SGCZ: variants seen among roughly 807,000 people sequenced by gnomAD.
The protein encoded by SGCZ is sarcoglycan zeta, also known as zeta-sarcoglycan.
A neutral mutation model predicts 41.3 loss-of-function variants in SGCZ; 40 were observed. The ratio of observed to expected loss-of-function variants is 0.97; its 90% CI spans 0.75 to 1.26. The LOEUF (loss-of-function observed/expected upper bound fraction) is 1.26, where lower values mean the gene tolerates loss of function less well. Ranked by LOEUF, SGCZ falls within the 50% of genes most tolerant of loss-of-function variation. SGCZ has a pLI of 0.00. For synonymous variants in SGCZ, 206 were observed against 137.5 expected, an observed-to-expected ratio of 1.50 and a Z score of -3.49; for missense variants, 552 against 369.8, an observed-to-expected ratio of 1.49 and a Z score of -4.04.
At chr8:15,154,018 G>A (rs1193997983) in intron 1 of SGCZ, among the ~76,000 whole-genome samples, 1 of 152,038 alleles carries the variant, frequency 6.6e-6, no homozygotes, top group African/African-American at 2.4e-5. Context: ...TCACGATAGA[G>A]TTTGTGCTTC....
chr8:14,263,657 A>G (rs886678778), intron 3 of SGCZ, among the ~76,000 whole-genome samples: 4 of 152,194 alleles, frequency 2.6e-5, no homozygotes, highest in African/African-American at 9.7e-5. Context: ...GTGATCATCT[A>G]CCCACAGAAA....
At chr8:14,999,297 C>T (rs12545896) in intron 1 of SGCZ, among the ~76,000 whole-genome samples, 49,652 of 152,010 alleles carry the variant, frequency 0.33, 8,627 homozygotes, top group South Asian at 0.38. Context: ...TTTTATTACA[C>T]ATTAATACTT....
At chr8:14,517,487 T>C (rs775726707) in intron 2 of SGCZ, among the ~76,000 whole-genome samples, 1 of 152,088 alleles carries the variant, frequency 6.6e-6, no homozygotes, top group Non-Finnish European at 1.5e-5. Context: ...GTAGAGTCAT[T>C]TTAACAAAGT....
At chr8:15,167,785 G>C (rs936190270) in intron 1 of SGCZ, among the ~76,000 whole-genome samples, 3 of 152,040 alleles carry the variant, frequency 2.0e-5, no homozygotes, top group African/African-American at 2.4e-5. Flanking sequence ...CTATATTTTA[G>C]GCTAACCCTG....
chr8:14,187,219 G>A (rs1174238808), intron 4 of SGCZ, among the ~76,000 whole-genome samples: 1 of 152,150 alleles, frequency 6.6e-6, no homozygotes, highest in Admixed American at 6.5e-5. Flanking sequence ...TCTAAGAGTT[G>A]GGGAGTGAGG....
intron 7 of SGCZ, among the ~76,000 whole-genome samples, chr8:14,101,031 A>G (rs1421362302): frequency 6.6e-6 from 1 of 152,206 alleles, no homozygotes; most frequent in African/African-American, 2.4e-5. Context: ...AAATATATAG[A>G]CTAGCATATA....
intron 2 of SGCZ, among the ~76,000 whole-genome samples, chr8:14,493,859 CT>C (rs1387238770): frequency 6.6e-6 from 1 of 151,958 alleles, no homozygotes; most frequent in African/African-American, 2.4e-5. Context: ...ATTTTTATTA[CT>C]ATTTATAATA....
intron 4 of SGCZ, among the ~76,000 whole-genome samples, chr8:14,225,832 C>T (rs543503059): frequency 1.3e-5 from 2 of 152,122 alleles, no homozygotes; most frequent in East Asian, 3.9e-4. Context: ...TCTAAACTTG[C>T]TTTAAATCAA....
chr8:14,393,934 C>T (rs1804881696), intron 2 of SGCZ, among the ~76,000 whole-genome samples: 1 of 152,054 alleles, frequency 6.6e-6, no homozygotes, highest in Non-Finnish European at 1.5e-5. Context: ...AATTTCTGAC[C>T]ATATTTTAAA....
chr8:14,323,340 A>C (rs1801991904), intron 3 of SGCZ, among the ~76,000 whole-genome samples: 2 of 152,110 alleles, frequency 1.3e-5, no homozygotes, highest in South Asian at 4.1e-4. Context: ...AAAAAAGTAT[A>C]ACCTTTTTTC....
intron 2 of SGCZ, among the ~76,000 whole-genome samples, chr8:14,490,095 A>T (rs7820284): frequency 0.48 from 73,041 of 151,678 alleles, 17,747 homozygotes; most frequent in Admixed American, 0.54. Context: ...CTCAAACTCC[A>T]AACCTTGTGA....
chr8:14,110,979 G>C (rs1036646306), intron 5 of SGCZ, among the ~76,000 whole-genome samples: 4 of 151,966 alleles, frequency 2.6e-5, no homozygotes, highest in African/African-American at 9.7e-5. Context: ...GTTTGAACCT[G>C]GGAGGCAAAG....
intron 1 of SGCZ, among the ~76,000 whole-genome samples, chr8:14,936,832 A>G (rs1294559698): frequency 6.6e-6 from 1 of 151,900 alleles, no homozygotes; most frequent in Non-Finnish European, 1.5e-5. Context: ...TCAAGATAAA[A>G]ATAAAATCTC....
At chr8:14,224,141 C>A (rs892360052) in intron 4 of SGCZ, among the ~76,000 whole-genome samples, 9 of 152,144 alleles carry the variant, frequency 5.9e-5, no homozygotes, top group African/African-American at 2.2e-4. Flanking sequence ...ATAATGTACA[C>A]AAGTTTGACT....
intron 4 of SGCZ, among the ~76,000 whole-genome samples, chr8:14,212,343 G>A (rs1238902872): frequency 6.6e-6 from 1 of 151,794 alleles, no homozygotes; most frequent in African/African-American, 2.4e-5. Flanking sequence ...CTTACCCATA[G>A]ATACTGGGTG....
chr8:14,714,636 T>A (rs560875615), intron 1 of SGCZ, among the ~76,000 whole-genome samples: 36 of 152,126 alleles, frequency 2.4e-4, no homozygotes, highest in African/African-American at 8.2e-4. Context: ...AGTCTGCAGA[T>A]GATTAAAGAA....
intron 1 of SGCZ, among the ~76,000 whole-genome samples, chr8:15,027,984 GATA>G (rs1182650563): frequency 6.6e-6 from 1 of 151,942 alleles, no homozygotes; most frequent in Non-Finnish European, 1.5e-5. Context: ...CAAAAGCACA[GATA>G]ATATCTTTCC....
intron 2 of SGCZ, among the ~76,000 whole-genome samples, chr8:14,504,335 G>T (rs76576432): frequency 0.018 from 2,670 of 152,248 alleles, 41 homozygotes; most frequent in East Asian, 0.08. Context: ...CAGGGCCCAT[G>T]GGGGCTAGAA....
In SGCZ at chr8:14,309,952, T is replaced by C. The variant is rs535923736; in HGVS notation, c.336+14151A>G. Among the ~76,000 whole-genome samples the C allele has an allele frequency of 4.3e-4, 66 of 152,152 alleles. 1 individual carries two copies. The East Asian group carries it at 7.9e-3, about 18-fold the overall frequency. ...AATGTGTTCCTGGCCCACTCTGTAATAGTTCAGTAGAATTACCATTAATTA... is the reference window on the plus strand; with the variant it reads ...AATGTGTTCCTGGCCCACTCTGTAACAGTTCAGTAGAATTACCATTAATTA... On this transcript the variant is annotated intron_variant, in intron 3 of 7. Coordinates refer to ENST00000382080, the MANE Select transcript of SGCZ (RefSeq NM_139167.4).
Sources: allele counts gnomAD v4.1 joint callset (sites outside exome capture counted in the v4.1 genomes callset), GRCh38; gene constraint gnomAD v4.1.1; transcripts MANE v1.5; gene names NCBI Gene and HGNC (gene_info 2026-07-23, HGNC 2026-07-21).